The following PTBP3 variants were observed in gnomAD, a reference collection of about 807,000 sequenced individuals.
The protein encoded by PTBP3 is polypyrimidine tract binding protein 3, also known as polypyrimidine tract-binding protein 3.
Under a neutral mutation model 58.7 loss-of-function variants are expected in PTBP3, and 20 were observed. That is an observed-to-expected ratio of 0.34 (90% confidence interval 0.24 to 0.50). The LOEUF (loss-of-function observed/expected upper bound fraction) is 0.50, where lower values mean the gene tolerates loss of function less well. Among genes scored for constraint, PTBP3 ranks in the 20% least tolerant of loss-of-function variants. The pLI is 0.98. For missense variants in PTBP3, 509 were observed against 637.2 expected (o/e 0.80, Z 2.17); for synonymous variants, 185 against 219.8 (o/e 0.84, Z 1.40).
chr9:112,339,610 T>C, the PTBP3 span, among the ~76,000 whole-genome samples: 1 of 151,648 alleles, frequency 6.6e-6, no homozygotes, highest in African/African-American at 2.4e-5. Context: ...GTCACCCAGG[T>C]TGCTGTGCAG....
intron 2 of PTBP3, among the ~76,000 whole-genome samples, chr9:112,286,316 T>A (rs1828111292): frequency 6.6e-6 from 1 of 152,232 alleles, no homozygotes; most frequent in Non-Finnish European, 1.5e-5. Context: ...CGTGGTTGGG[T>A]TTAAAAGCCC....
the PTBP3 span, among the ~76,000 whole-genome samples, chr9:112,360,492 G>C: frequency 2.6e-5 from 4 of 152,158 alleles, no homozygotes; most frequent in East Asian, 5.8e-4. Context: ...GGCTCACAAG[G>C]ATTTCTCAGG....
intron 12 of PTBP3, among the ~76,000 whole-genome samples, chr9:112,226,565 G>A (rs1834998156): frequency 6.6e-6 from 1 of 152,044 alleles, no homozygotes; most frequent in South Asian, 2.1e-4. Context: ...CATTTTTGTA[G>A]ACTAAGGACT....
chr9:112,246,455 G>A (rs1002174659), intron 7 of PTBP3, among the ~76,000 whole-genome samples: 2 of 151,994 alleles, frequency 1.3e-5, no homozygotes, highest in African/African-American at 2.4e-5. Context: ...AGCACTTCGG[G>A]AGGCTGAGGC....
chr9:112,260,645 G>T (rs769847436), intron 5 of PTBP3, among the ~76,000 whole-genome samples: 7 of 152,296 alleles, frequency 4.6e-5, no homozygotes, highest in Admixed American at 2.0e-4. Context: ...AGGGAAGGGA[G>T]GTAGGGAGAG....
chr9:112,248,500 A>G (rs886242653), intron 7 of PTBP3, among the ~76,000 whole-genome samples: 3 of 152,206 alleles, frequency 2.0e-5, no homozygotes, highest in African/African-American at 7.2e-5. Flanking sequence ...CGTGTAATAA[A>G]TAAATAAATA....
chr9:112,238,122 C>A (rs1835505746), intron 7 of PTBP3, among the ~76,000 whole-genome samples: 1 of 151,740 alleles, frequency 6.6e-6, no homozygotes, highest in South Asian at 2.1e-4. Flanking sequence ...ACAAAAAAAC[C>A]CAAAAAGTCA....
chr9:112,220,748 A>G lies in PTBP3; in HGVS notation c.*3103T>C. ...GCTATGCAAATTATTCAAATCTCAAAGTAAATCATTTTGGTGTAATTCGCT... is the reference window on the plus strand; with the variant it reads ...GCTATGCAAATTATTCAAATCTCAAGGTAAATCATTTTGGTGTAATTCGCT... On this transcript the variant is annotated 3_prime_UTR_variant, in exon 14 of 14. Coordinates refer to ENST00000374257, the MANE Select transcript of PTBP3 (RefSeq NM_001163788.4). The G allele has an allele frequency of 2.0e-6, 2 of 983,772 alleles. No homozygotes were observed. The highest frequency in any genetic ancestry group is 2.4e-6 in the Non-Finnish European group (2 of 828,280). The allele number at this position is 983,772 out of a possible 1,614,324, so 60.9% of individuals were successfully genotyped here. A position where few individuals can be genotyped will look rare whatever the true frequency, so the allele number is the denominator to read the frequency against.
the PTBP3 span, among the ~76,000 whole-genome samples, chr9:112,374,746 G>A: frequency 6.6e-6 from 1 of 152,248 alleles, no homozygotes; most frequent in African/African-American, 2.4e-5. Flanking sequence ...AAGGCATTCT[G>A]TGAGTCCATG....
rs542919766 is a variant in PTBP3, at chr9:112,309,477, CT to C, written c.-51-11562del. On this transcript the variant is annotated intron_variant, in intron 1 of 13. Transcript: ENST00000374257. ...TTTCATATATAATCGATGTTCAAAA[CT>C]TTTTTTCTTAAAAAATAAGTAACAG... 2.6e-3 allele frequency among the ~76,000 whole-genome samples: 397 copies of C among 152,214 alleles called. 1 individual carries two copies. Among genetic ancestry groups the C allele is most frequent in the African/African-American group, 9.3e-3 (387 of 41,516 alleles).
intron 4 of PTBP3, among the ~76,000 whole-genome samples, chr9:112,267,751 T>C (rs1030215270): frequency 3.3e-5 from 5 of 152,202 alleles, no homozygotes; most frequent in Admixed American, 2.0e-4. Flanking sequence ...AAAAAGATGA[T>C]TGAAATGAAT....
At chr9:112,266,152 G>C (rs541455189) in intron 4 of PTBP3, among the ~76,000 whole-genome samples, 14 of 152,210 alleles carry the variant, frequency 9.2e-5, no homozygotes, top group African/African-American at 3.1e-4. Context: ...TTCAGTTTGA[G>C]GTGATGGGAA....
At chr9:112,321,648 C>A (rs1320495172) in intron 1 of PTBP3, among the ~76,000 whole-genome samples, 1 of 152,106 alleles carries the variant, frequency 6.6e-6, no homozygotes, top group African/African-American at 2.4e-5. Flanking sequence ...CTGAAGACTG[C>A]CGAATCCAGA....
intron 3 of PTBP3, among the ~76,000 whole-genome samples, chr9:112,271,484 G>A (rs1352675538): frequency 6.6e-6 from 1 of 152,174 alleles, no homozygotes; most frequent in African/African-American, 2.4e-5. Context: ...ACTTTGGGAG[G>A]CTGCAACGGG....
intron 1 of PTBP3, among the ~76,000 whole-genome samples, chr9:112,322,177 T>C (rs916696027): frequency 1.7e-4 from 26 of 149,304 alleles, no homozygotes; most frequent in Non-Finnish European, 3.6e-4. Context: ...TTCCAGTCTC[T>C]AGCAGGAGGA....
chr9:112,373,892 C>T, the PTBP3 span, among the ~76,000 whole-genome samples: 145 of 152,308 alleles, frequency 9.5e-4, no homozygotes, highest in African/African-American at 3.3e-3. Flanking sequence ...CAACTGGTCA[C>T]GTGGTCATAG....
In PTBP3 at chr9:112,312,412, A is replaced by C. The variant is rs115846859; in HGVS notation, c.-51-14496T>G. 9.0e-3 allele frequency among the ~76,000 whole-genome samples: 1,353 copies of C among 150,846 alleles called. 23 individuals are homozygous for C. The highest frequency in any genetic ancestry group is 0.031 in the African/African-American group (1,273 of 41,042). On this transcript the variant is annotated intron_variant, in intron 1 of 13. Transcript: ENST00000374257. Reference sequence around the variant, plus strand: ...GTTCAAGGACTGAGACAAGAGGATCACTTGAGCCCAGGAGATCAAGGCTGC... The same window carrying C: ...GTTCAAGGACTGAGACAAGAGGATCCCTTGAGCCCAGGAGATCAAGGCTGC...
intron 1 of PTBP3, among the ~76,000 whole-genome samples, chr9:112,302,274 G>A (rs1564447466): frequency 6.6e-6 from 1 of 152,046 alleles, no homozygotes; most frequent in Non-Finnish European, 1.5e-5. Context: ...AGGCAAATAA[G>A]AAATCTACCA....
Position 112,221,935 on chromosome 9 carries a change from A to C in PTBP3, c.*1916T>G. On this transcript the variant is annotated 3_prime_UTR_variant, in exon 14 of 14. Transcript: ENST00000374257. Reference sequence around the variant, plus strand: ...TTTTACTTTTAAGAGAAGGGGTCACACTATGTTCCAGGGCTGGAGTGAAGT... The same window carrying C: ...TTTTACTTTTAAGAGAAGGGGTCACCCTATGTTCCAGGGCTGGAGTGAAGT... The C allele has an allele frequency of 1.0e-6, 1 of 953,440 alleles. No individual in the cohort carries two copies. The highest frequency in any genetic ancestry group is 1.2e-6 in the Non-Finnish European group (1 of 800,806). 59.1% of individuals were successfully genotyped at this position (953,440 alleles called of 1,614,324 possible).
Sources: gnomAD v4.1 joint callset for allele counts (sites outside exome capture counted in the v4.1 genomes callset) on GRCh38, gnomAD v4.1.1 for gene constraint, MANE v1.5 for transcripts, NCBI Gene and HGNC (gene_info 2026-07-23, HGNC 2026-07-21) for gene names.